ANKRD65: variants seen among roughly 807,000 people sequenced by gnomAD.
The protein encoded by ANKRD65 is ankyrin repeat domain 65, also known as ankyrin repeat domain-containing protein 65.
ANKRD65 carries 26 observed loss-of-function variants against 17.2 expected under a neutral mutation model. The observed-to-expected ratio is 1.51, with a 90% CI of 1.11 to 2.09. The LOEUF (loss-of-function observed/expected upper bound fraction) is 2.09, where lower values mean the gene tolerates loss of function less well. Ranked by LOEUF, ANKRD65 falls within the 30% of genes most tolerant of loss-of-function variation. The pLI is 0.00. For synonymous variants in ANKRD65, 311 were observed against 272.2 expected, an observed-to-expected ratio of 1.14 and a Z score of -1.40; for missense variants, 621 against 542.2, an observed-to-expected ratio of 1.15 and a Z score of -1.44.
At chr1:1,420,655 C>T (rs1218661741) in intron 2 of ANKRD65, 63 bp from the exon 3 acceptor site, 2 of 1,395,334 alleles carry the variant, frequency 1.4e-6, no homozygotes, top group African/African-American at 1.4e-5. Context: ...CGCCCTGCCC[C>T]ACCCCGTCCT....
chr1:1,418,770 T>G lies in ANKRD65; in HGVS notation c.*330A>C, dbSNP rs989890073. ...CGGGCCTAGCGCCAGGCTGCCTGCC[T>G]GTCTTTGGTTTTACTTCCTTGTTGT... is the stretch of plus-strand genomic sequence containing the variant. On this transcript the variant is annotated 3_prime_UTR_variant, in exon 4 of 4. Coordinates refer to ENST00000537107, the MANE Select transcript of ANKRD65 (RefSeq NM_001145210.3). 4.6e-5 allele frequency: 11 copies of G among 236,860 alleles called. No homozygotes were observed. The highest frequency in any genetic ancestry group is 8.9e-5 in the Non-Finnish European group (11 of 123,328). The allele number at this position is 236,860 out of a possible 1,614,324, so 14.7% of individuals were successfully genotyped here. A position where few individuals can be genotyped will look rare whatever the true frequency, so the allele number is the denominator to read the frequency against.
rs573649377 is a variant in ANKRD65, at chr1:1,418,822, A to G, written c.*278T>C. ...TTTTCTTAAAACAGGTACTGAGTATAAAACACTATGAGAGGGTCTCTCTTC... is the reference window on the plus strand; with the variant it reads ...TTTTCTTAAAACAGGTACTGAGTATGAAACACTATGAGAGGGTCTCTCTTC... On this transcript the variant is annotated 3_prime_UTR_variant, in exon 4 of 4. Transcript: ENST00000537107. 1 of 397,948 alleles carries G rather than the reference A, an allele frequency of 2.5e-6. No homozygotes were observed. The highest frequency in any genetic ancestry group is 4.5e-6 in the Non-Finnish European group (1 of 221,358). The allele number at this position is 397,948 out of a possible 1,614,324, so 24.7% of individuals were successfully genotyped here.
rs1270782682 is a variant in ANKRD65 at position 1,420,401 on chromosome 1, G to A, written c.401C>T (p.Ala134Val). ...CGTGAGGCCCGTCCCGGAGCGAGCC[G>A]CCGCCGAGGCCCCGCGCTGCAGCAG... ...ELLLQRGASA[A>V]ARSGTGLTPL... Residue 134 changes from alanine to valine, a missense_variant, in exon 3 of 4, where the codon GCG (alanine) becomes GTG (valine). Physicochemically the swap from Ala to Val is moderately conservative, Grantham distance 64. Transcript: ENST00000537107. 3.8e-6 allele frequency: 5 copies of A among 1,314,892 alleles called. No homozygotes were observed. The highest frequency in any genetic ancestry group is 6.8e-5 in the Admixed American group (2 of 29,604). 81.5% of individuals were successfully genotyped at this position (1,314,892 alleles called of 1,614,324 possible). A position where few individuals can be genotyped will look rare whatever the true frequency, so the allele number is the denominator to read the frequency against.
chr1:1,420,154 C>A lies in ANKRD65; in HGVS notation c.648G>T (p.Gly216=). 8.6e-7 allele frequency: 1 copy of A among 1,168,356 alleles called. No homozygotes were observed. The allele number at this position is 1,168,356 out of a possible 1,614,324, so 72.4% of individuals were successfully genotyped here. A position where few individuals can be genotyped will look rare whatever the true frequency, so the allele number is the denominator to read the frequency against. ...ALLVAAAAGR[G]AALRFLLARG... Reference sequence around the variant, plus strand: ...GCGCCAGGAGGAAGCGCAGCGCCGCCCCGCGCCCCGCAGCGGCAGCCACGA... The same window carrying A: ...GCGCCAGGAGGAAGCGCAGCGCCGCACCGCGCCCCGCAGCGGCAGCCACGA... Residue 216 remains glycine, a synonymous_variant, in exon 3 of 4, where the codon GGG becomes GGT. Coordinates refer to ENST00000537107, the MANE Select transcript of ANKRD65 (RefSeq NM_001145210.3).
intron 2 of ANKRD65, 71 bp downstream of exon 2, chr1:1,420,726 C>T: frequency 1.4e-6 from 2 of 1,474,974 alleles, no homozygotes; most frequent in South Asian, 2.7e-5. Context: ...CTCCTCCACC[C>T]ACCCAGTGCT....
chr1:1,419,921 G>T, intron 3 of ANKRD65, 131 bp downstream of exon 3: 1 of 1,038,604 alleles, frequency 9.6e-7, no homozygotes, highest in Non-Finnish European at 1.2e-6. Flanking sequence ...GGGCACAGCC[G>T]GGGGCGCGCT....
chr1:1,419,279 G>A lies in ANKRD65; in HGVS notation c.1021C>T (p.Leu341=). Residue 341 remains leucine, a synonymous_variant, in exon 4 of 4, where the codon CTG becomes TTG. Coordinates refer to ENST00000537107, the MANE Select transcript of ANKRD65 (RefSeq NM_001145210.3). ...TGWLRKTPLH[L]AAERGHGPTV... The stretch of plus-strand genomic sequence containing the variant: ...GGCCCATGCCCTCGCTCTGCAGCCA[G>A]GTGTAGGGGGGTCTTTCGGAGCCAG... 4 of 1,550,400 alleles carry A rather than the reference G, an allele frequency of 2.6e-6. No individual in the cohort carries two copies. Among genetic ancestry groups the A allele is most frequent in the Admixed American group, 2.0e-5 (1 of 51,012 alleles).
At position 1,420,373 on chromosome 1, in the gene ANKRD65, C is replaced by T. The variant is rs1385451230; in HGVS notation, c.429G>A (p.Pro143=). Residue 143 remains proline (P), a synonymous_variant, in exon 3 of 4, where the codon CCG becomes CCA. Coordinates refer to ENST00000537107, the MANE Select transcript of ANKRD65 (RefSeq NM_001145210.3). ...GGCCCAGGGCAGCGGCCCAGTGCAG[C>T]GGCGTGAGGCCCGTCCCGGAGCGAG... The part of the protein sequence containing the change: ...AAARSGTGLT[P]LHWAAALGHT... 1 of 1,281,720 alleles carries T rather than the reference C, an allele frequency of 7.8e-7. No homozygotes were observed. The highest frequency in any genetic ancestry group is 3.6e-5 in the Admixed American group (1 of 27,832). The allele number at this position is 1,281,720 out of a possible 1,614,324, so 79.4% of individuals were successfully genotyped here.
chr1:1,421,083 C>A, intron 1 of ANKRD65, 50 bp downstream of exon 1: 4 of 1,389,710 alleles, frequency 2.9e-6, no homozygotes, highest in Non-Finnish European at 3.9e-6. Context: ...CCAACTGGAG[C>A]CCCCCATTCC....
rs898294358 is a variant in ANKRD65, at chr1:1,420,777, A to AC, written c.209+19dup. On this transcript the variant is annotated intron_variant, in intron 2 of 3. Transcript: ENST00000537107. ...CCCCACCCAGAGAAGGGACCCCTTC[A>AC]CCCCCCAGCGCAGGTGCACCTCTCC... 72 of 1,530,470 alleles carry AC rather than the reference A, an allele frequency of 4.7e-5. No homozygotes were observed. Among genetic ancestry groups the AC allele is most frequent in the East Asian group, 3.9e-4 (16 of 40,512 alleles). 94.8% of individuals were successfully genotyped at this position (1,530,470 alleles called of 1,614,324 possible).
In ANKRD65 at chr1:1,420,479, C is replaced by G; in HGVS notation, c.323G>C (p.Arg108Pro). The G allele has an allele frequency of 3.2e-6, 4 of 1,269,654 alleles. No homozygotes were observed. Among genetic ancestry groups the G allele is most frequent in the Non-Finnish European group, 3.9e-6 (4 of 1,013,788 alleles). 78.6% of individuals were successfully genotyped at this position (1,269,654 alleles called of 1,614,324 possible). A position where few individuals can be genotyped will look rare whatever the true frequency, so the allele number is the denominator to read the frequency against. Residue 108 changes from arginine to proline, a missense_variant, in exon 3 of 4, where the codon CGC (arginine) becomes CCC (proline). Physicochemically the swap from Arg to Pro is moderately radical, Grantham distance 103. Transcript: ENST00000537107. ...APVGAVDRAG[R>P]TALHEAAWHG... ...CCAGGCGGCCTCGTGCAGCGCGGTGCGCCCCGCCCGGTCCACCGCGCCCAC... is the reference window on the plus strand; with the variant it reads ...CCAGGCGGCCTCGTGCAGCGCGGTGGGCCCCGCCCGGTCCACCGCGCCCAC...
chr1:1,420,065 A>C lies in ANKRD65; in HGVS notation c.737T>G (p.Leu246Arg). 4 of 1,286,604 alleles carry C rather than the reference A, an allele frequency of 3.1e-6. No individual in the cohort carries two copies. In the South Asian group the frequency reaches 6.9e-5, roughly 22 times the overall value. The allele number at this position is 1,286,604 out of a possible 1,614,324, so 79.7% of individuals were successfully genotyped here. The change falls in exon 3 of 4, where the codon CTA (leucine) becomes CGA (arginine). Residue 246 changes from leucine to arginine, a missense_variant. Transcript: ENST00000537107. ...GATALGLAAA[L>R]GRSQDIEVLL... ...GGCGGGACGTACCTGGGAGCGGCCT[A>C]GGGCGGCCGCCAGACCCAGCGCTGT... is the stretch of plus-strand genomic sequence containing the variant.
In ANKRD65 at chr1:1,420,190, G is replaced by T; in HGVS notation, c.612C>A (p.Asp204Glu). ...ELLAAGGAGLDGALLVAAAAG... is the reference protein window; with the variant it reads ...ELLAAGGAGLEGALLVAAAAG... The stretch of plus-strand genomic sequence containing the variant: ...CAGCGGCAGCCACGAGCAGGGCGCC[G>T]TCCAGGCCCGCGCCGCCGGCCGCCA... Residue 204 changes from aspartate (D) to glutamate (E), a missense_variant, in exon 3 of 4, where the codon GAC becomes GAA. By Grantham distance (45) the Asp-to-Glu change is conservative (BLOSUM62 2). Coordinates refer to ENST00000537107, the MANE Select transcript of ANKRD65 (RefSeq NM_001145210.3). 1 of 1,014,768 alleles carries T rather than the reference G, an allele frequency of 9.9e-7. No homozygotes were observed. The allele number at this position is 1,014,768 out of a possible 1,614,324, so 62.9% of individuals were successfully genotyped here.
chr1:1,419,411 C>A lies in ANKRD65; in HGVS notation c.889G>T (p.Ala297Ser). Reference protein sequence around the residue: ...LLVTQGAEVDARDTLGLTPLH... With the variant: ...LLVTQGAEVDSRDTLGLTPLH... ...GGTGTGAGGCCCAGGGTGTCCCGCG[C>A]ATCCACCTCGGCCCCCTGGGTGACC... is the stretch of plus-strand genomic sequence containing the variant. The change falls in exon 4 of 4, where the codon GCG becomes TCG. Residue 297 changes from alanine (A) to serine (S), a missense_variant. Physicochemically the swap from Ala to Ser is moderately conservative, Grantham distance 99. Transcript: ENST00000537107. The A allele has an allele frequency of 6.5e-7, 1 of 1,549,772 alleles. No individual in the cohort carries two copies. The highest frequency in any genetic ancestry group is 8.7e-7 in the Non-Finnish European group (1 of 1,146,820).
In ANKRD65 at chr1:1,420,262, C is replaced by G; in HGVS notation, c.540G>C (p.Ala180=). Residue 180 remains alanine (A), a synonymous_variant, in exon 3 of 4, where the codon GCG becomes GCC. Transcript: ENST00000537107. ...AEAEDARGWT[A]AHWAAAGGRL... ...GCCCGCCCGCGGCCGCCCAGTGCGCCGCCGTCCAGCCGCGCGCGTCCTCCG... is the reference window on the plus strand; with the variant it reads ...GCCCGCCCGCGGCCGCCCAGTGCGCGGCCGTCCAGCCGCGCGCGTCCTCCG... 1.0e-6 allele frequency: 1 copy of G among 1,001,528 alleles called. No individual in the cohort carries two copies. The highest frequency in any genetic ancestry group is 1.2e-6 in the Non-Finnish European group (1 of 842,842). 62.0% of individuals were successfully genotyped at this position (1,001,528 alleles called of 1,614,324 possible).
Position 1,420,420 on chromosome 1 carries a change from G to A in ANKRD65, c.382C>T (p.Gln128Ter). ...GHSRVAELLLQRGASAAARSG... is the reference protein window; with the variant it reads ...GHSRVAELLL ...CGAGCCGCCGCCGAGGCCCCGCGCT[G>A]CAGCAGCAGCTCGGCCACCCGCGAG... Residue 128 changes from glutamine to a stop codon, truncating the protein, a stop_gained, in exon 3 of 4, where the codon CAG (glutamine) becomes TAG (stop). Transcript: ENST00000537107. LOFTEE classifies it high-confidence loss of function. 1.5e-6 allele frequency: 2 copies of A among 1,328,740 alleles called. No individual in the cohort carries two copies. The highest frequency in any genetic ancestry group is 1.7e-5 in the South Asian group (1 of 57,926). The allele number at this position is 1,328,740 out of a possible 1,614,324, so 82.3% of individuals were successfully genotyped here.
In ANKRD65 at chr1:1,420,530, C is replaced by G. The variant is rs1036896116; in HGVS notation, c.272G>C (p.Arg91Pro). Residue 91 changes from arginine (R) to proline (P), a missense_variant, in exon 3 of 4, where the codon CGT (arginine) becomes CCT (proline). Physicochemically the swap from Arg to Pro is moderately radical, Grantham distance 103. Transcript: ENST00000537107. ...CGGGGCCCCTCGCTGCAGCAGGAGA[C>G]GCACCAGGGGCGCGTGGCCCCGCAG... is the stretch of plus-strand genomic sequence containing the variant. ...AVLRGHAPLV[R>P]LLLQRGAPVG... The G allele has an allele frequency of 6.9e-5, 89 of 1,290,968 alleles. No homozygotes were observed. In the African/African-American group the frequency reaches 1.2e-3, roughly 18 times the overall value. The allele number at this position is 1,290,968 out of a possible 1,614,324, so 80.0% of individuals were successfully genotyped here.
chr1:1,421,199 G>T lies in ANKRD65; in HGVS notation c.-67C>A. On this transcript the variant is annotated 5_prime_UTR_variant, in exon 1 of 4. Coordinates refer to ENST00000537107, the MANE Select transcript of ANKRD65 (RefSeq NM_001145210.3). ...TCCTCTGTAGACGGGTTCTGGCCGAGGCTCAGCCTGGTGACCCTCTTCACA... is the reference window on the plus strand; with the variant it reads ...TCCTCTGTAGACGGGTTCTGGCCGATGCTCAGCCTGGTGACCCTCTTCACA... The T allele has an allele frequency of 1.7e-6, 1 of 597,582 alleles. No individual in the cohort carries two copies. The highest frequency in any genetic ancestry group is 3.0e-6 in the Non-Finnish European group (1 of 338,478). The allele number at this position is 597,582 out of a possible 1,614,324, so 37.0% of individuals were successfully genotyped here.
At position 1,420,319 on chromosome 1, in the gene ANKRD65, C is replaced by G; in HGVS notation, c.483G>C (p.Glu161Asp). The G allele has an allele frequency of 9.0e-7, 1 of 1,111,438 alleles. No individual in the cohort carries two copies. Among genetic ancestry groups the G allele is most frequent in the East Asian group, 5.9e-5 (1 of 16,852 alleles). The allele number at this position is 1,111,438 out of a possible 1,614,324, so 68.8% of individuals were successfully genotyped here. The change falls in exon 3 of 4, where the codon GAG becomes GAC. Residue 161 changes from glutamate (E) to aspartate (D), a missense_variant. By Grantham distance (45) the Glu-to-Asp change is conservative. Transcript: ENST00000537107. ...CTGCCGCGGGTCCCGGGCCCGGAGC[C>G]TCCAGCAGGCGCGCGGCCAGCAGCG... ...GHTLLAARLL[E>D]APGPGPAAAE...
Sources: allele counts gnomAD v4.1 joint callset, GRCh38; gene constraint gnomAD v4.1.1; transcripts MANE v1.5; gene names NCBI Gene and HGNC (gene_info 2026-07-23, HGNC 2026-07-21).